The following IL4R variants were observed in gnomAD, a reference collection of about 807,000 sequenced individuals.
IL4R encodes the protein interleukin-4 receptor subunit alpha.
IL4R carries 17 observed loss-of-function variants against 41.5 expected under a neutral mutation model. That is an observed-to-expected ratio of 0.41 (90% confidence interval 0.28 to 0.61). The LOEUF (loss-of-function observed/expected upper bound fraction) is 0.61, where lower values mean the gene tolerates loss of function less well. IL4R is among the 20% of genes least tolerant of loss of function. The pLI, the probability that IL4R is intolerant of heterozygous loss-of-function variation, is 0.31. For synonymous variants in IL4R, 402 were observed against 422.9 expected, an observed-to-expected ratio of 0.95 and a Z score of 0.61; for missense variants, 974 against 1,043.1, an observed-to-expected ratio of 0.93 and a Z score of 0.91.
intron 1 of IL4R, among the ~76,000 whole-genome samples, chr16:27,321,101 G>A (rs1291750169): frequency 1.3e-5 from 2 of 151,856 alleles, no homozygotes. Flanking sequence ...ACACCACCAC[G>A]CCTGGCTAAT....
At position 27,363,432 on chromosome 16, in the gene IL4R, C is replaced by T. The variant is rs377361464; in HGVS notation, c.2080C>T (p.Leu694Phe). ...EKVEDMPKPP[L>F]PQEQATDPLV... is the part of the protein sequence containing the mutation. ...GGTAGAGGACATGCCAAAGCCCCCA[C>T]TTCCCCAGGAGCAGGCCACAGACCC... The change falls in exon 11 of 11, where the codon CTT (leucine) becomes TTT (phenylalanine). Residue 694 changes from leucine to phenylalanine, a missense_variant. Coordinates refer to ENST00000395762, the MANE Select transcript of IL4R (RefSeq NM_000418.4). 2 of 1,614,152 alleles carry T rather than the reference C, an allele frequency of 1.2e-6. No homozygotes were observed. Among genetic ancestry groups the T allele is most frequent in the Middle Eastern group, 1.6e-4 (1 of 6,062 alleles).
In IL4R at chr16:27,362,695, T is replaced by C. The variant is rs367788433; in HGVS notation, c.1343T>C (p.Phe448Ser). Residue 448 changes from phenylalanine to serine, a missense_variant, in exon 11 of 11, where the codon TTC becomes TCC. Physicochemically the swap from Phe to Ser is radical, Grantham distance 155 (BLOSUM62 -2). Around this residue, in one of 3 missense-constraint regions of IL4R, gnomAD observed 682 missense variants for 704.3 expected, o/e 0.97. Transcript: ENST00000395762. Reference protein sequence around the residue: ...STSAHMPWDEFPSAGPKEAPP... With the variant: ...STSAHMPWDESPSAGPKEAPP... ...AGTGCTCACATGCCCTGGGATGAGTTCCCAAGTGCAGGGCCCAAGGAGGCA... is the reference window on the plus strand; with the variant it reads ...AGTGCTCACATGCCCTGGGATGAGTCCCCAAGTGCAGGGCCCAAGGAGGCA... The C allele has an allele frequency of 1.2e-6, 2 of 1,613,894 alleles. No individual in the cohort carries two copies. Among genetic ancestry groups the C allele is most frequent in the Admixed American group, 3.3e-5 (2 of 60,012 alleles).
Position 27,342,200 on chromosome 16 carries a change from T to C in IL4R, c.150T>C (p.Gly50=). The change falls in exon 4 of 11, where the codon GGT becomes GGC. Residue 50 remains glycine, a synonymous_variant. Transcript: ENST00000395762. ...CTACTTGCGAGTGGAAGATGAATGG[T>C]CCCACCAATTGCAGCACCGAGCTCC... The part of the protein sequence containing the change: ...SISTCEWKMN[G]PTNCSTELRL... The C allele has an allele frequency of 6.2e-7, 1 of 1,614,212 alleles. No homozygotes were observed.
Position 27,342,229 on chromosome 16 carries a change from T to C in IL4R, c.179T>C (p.Leu60Pro). The C allele has an allele frequency of 6.2e-7, 1 of 1,614,192 alleles. No homozygotes were observed. The highest frequency in any genetic ancestry group is 8.5e-7 in the Non-Finnish European group (1 of 1,180,022). The change falls in exon 4 of 11, where the codon CTG (leucine) becomes CCG (proline). Residue 60 changes from leucine (L) to proline (P), a missense_variant. Around this residue, in one of 3 missense-constraint regions of IL4R, gnomAD observed 284 missense variants for 313.4 expected, o/e 0.91. Coordinates refer to ENST00000395762, the MANE Select transcript of IL4R (RefSeq NM_000418.4). ...ACCAATTGCAGCACCGAGCTCCGCC[T>C]GTTGTACCAGCTGGTTTTTCTGCTC... ...GPTNCSTELR[L>P]LYQLVFLLSE... is the part of the protein sequence containing the mutation.
chr16:27,318,065 T>C (rs2084698145), intron 1 of IL4R, among the ~76,000 whole-genome samples: 1 of 152,250 alleles, frequency 6.6e-6, no homozygotes, highest in Admixed American at 6.5e-5. Flanking sequence ...TCGGCAGCTT[T>C]ATCTGTTATT....
At chr16:27,331,947 T>G (rs1003958307) in intron 2 of IL4R, among the ~76,000 whole-genome samples, 5 of 152,014 alleles carry the variant, frequency 3.3e-5, no homozygotes, top group African/African-American at 9.7e-5. Flanking sequence ...CCCGAATCAT[T>G]ATATAGTGCC....
At chr16:27,344,584 G>A (rs2141143750) in intron 4 of IL4R, among the ~76,000 whole-genome samples, 1 of 152,278 alleles carries the variant, frequency 6.6e-6, no homozygotes, top group African/African-American at 2.4e-5. Flanking sequence ...TCCCTTTCAT[G>A]GGCTTTCAGG....
At chr16:27,349,379 T>C (rs1967249769) in intron 6 of IL4R, among the ~76,000 whole-genome samples, 1 of 152,188 alleles carries the variant, frequency 6.6e-6, no homozygotes, top group African/African-American at 2.4e-5. Context: ...CTATAGAATT[T>C]TGGGGCTAGA....
intron 2 of IL4R, among the ~76,000 whole-genome samples, chr16:27,334,133 C>T (rs546112666): frequency 6.6e-6 from 1 of 152,260 alleles, no homozygotes; most frequent in South Asian, 2.1e-4. Flanking sequence ...CTGCCTGCCT[C>T]AGCCTCCCGA....
At chr16:27,338,989 G>T (rs1329317135) in intron 2 of IL4R, among the ~76,000 whole-genome samples, 1 of 151,990 alleles carries the variant, frequency 6.6e-6, no homozygotes, top group Non-Finnish European at 1.5e-5. Flanking sequence ...AGAGTAGCTG[G>T]AATTACAGGT....
intron 7 of IL4R, among the ~76,000 whole-genome samples, chr16:27,353,124 C>T (rs577239249): frequency 2.4e-4 from 36 of 152,236 alleles, no homozygotes; most frequent in African/African-American, 7.9e-4. Context: ...TTTTTAAATA[C>T]ATAAAATCCC....
intron 3 of IL4R, among the ~76,000 whole-genome samples, 188 bp downstream of exon 3, chr16:27,340,461 A>C (rs376696568): frequency 6.6e-6 from 1 of 152,090 alleles, no homozygotes; most frequent in Non-Finnish European, 1.5e-5. Flanking sequence ...AGTGGCTCAC[A>C]CCTGTAATCC....
At chr16:27,342,079 T>A (rs1017505097) in intron 3 of IL4R, 42 bp from the exon 4 acceptor site, 1 of 1,606,094 alleles carries the variant, frequency 6.2e-7, no homozygotes, top group Non-Finnish European at 8.5e-7. Context: ...CCCTCACGCA[T>A]TGAGTTCCTG....
chr16:27,313,791 C>T (rs1397074864), upstream of IL4R: 2 of 472,362 alleles, frequency 4.2e-6, no homozygotes, highest in Non-Finnish European at 5.6e-6. Flanking sequence ...CCGGCGGCGG[C>T]GGCGGGGACA....
intron 4 of IL4R, among the ~76,000 whole-genome samples, chr16:27,343,023 G>A (rs1440904233): frequency 2.0e-5 from 3 of 152,186 alleles, no homozygotes; most frequent in Admixed American, 6.5e-5. Flanking sequence ...TGAGGAGTAC[G>A]GTGTTGAGAG....
intron 6 of IL4R, among the ~76,000 whole-genome samples, chr16:27,349,611 T>A (rs3024592): frequency 0.014 from 2,161 of 152,308 alleles, 44 homozygotes; most frequent in African/African-American, 0.045. Context: ...TGTGTAGCGA[T>A]AAAGCACCAA....
Position 27,347,657 on chromosome 16 carries a change from C to T in IL4R, c.513+1039C>T, listed in dbSNP as rs539817796. ...GGTCATTTCCTGCCACCCATGTTTC[C>T]CCACCCTGAATCCACCTTCCTCACA... On this transcript the variant is annotated intron_variant, in intron 6 of 10. Coordinates refer to ENST00000395762, the MANE Select transcript of IL4R (RefSeq NM_000418.4). Among the ~76,000 whole-genome samples the T allele has an allele frequency of 1.1e-4, 16 of 152,320 alleles. No individual in the cohort carries two copies. In the East Asian group the frequency reaches 2.9e-3, roughly 28 times the overall value.
At chr16:27,315,781 T>C (rs2084629343) in intron 1 of IL4R, among the ~76,000 whole-genome samples, 1 of 151,922 alleles carries the variant, frequency 6.6e-6, no homozygotes. Context: ...TTGGCTTGAG[T>C]TGTAAAAGCA....
intron 1 of IL4R, among the ~76,000 whole-genome samples, chr16:27,317,022 G>A (rs1478623843): frequency 6.6e-6 from 1 of 151,346 alleles, no homozygotes; most frequent in Non-Finnish European, 1.5e-5. Flanking sequence ...TTCCACCTCA[G>A]CCTCCTGAGT....
Sources: allele counts gnomAD v4.1 joint callset (sites outside exome capture counted in the v4.1 genomes callset), GRCh38; gene constraint gnomAD v4.1.1; regional missense constraint gnomAD v4.1.1; transcripts MANE v1.5; gene names NCBI Gene and HGNC (gene_info 2026-07-23, HGNC 2026-07-21).